Variants in LRMDA observed in about 807,000 individuals in gnomAD.
LRMDA encodes the protein leucine-rich melanocyte differentiation-associated protein.
LRMDA carries 18 observed loss-of-function variants against 29.8 expected under a neutral mutation model. That is an observed-to-expected ratio of 0.60 (90% CI 0.42 to 0.90). The LOEUF is 0.90. Among genes scored for constraint, LRMDA ranks in the 40% least tolerant of loss-of-function variants. The probability of loss-of-function intolerance (pLI) is 0.00; values close to 1 mark genes in which losing one functional copy is unlikely to be tolerated. For missense variants in LRMDA, 273 were observed against 273.9 expected (o/e 1.00, Z 0.02); for synonymous variants, 125 against 109.4 (o/e 1.14, Z -0.89).
At chr10:76,237,238 A>G (rs1378584143) in intron 5 of LRMDA, among the ~76,000 whole-genome samples, 1 of 152,214 alleles carries the variant, frequency 6.6e-6, no homozygotes, top group East Asian at 1.9e-4. Flanking sequence ...CATAAACATT[A>G]CTGAAAATAA....
intron 2 of LRMDA, among the ~76,000 whole-genome samples, chr10:75,915,872 G>C (rs986634884): frequency 1.3e-5 from 2 of 152,164 alleles, no homozygotes; most frequent in Non-Finnish European, 2.9e-5. Flanking sequence ...CATAAAATTG[G>C]CCACCGTTCC....
chr10:76,191,035 A>G (rs1016930671), intron 5 of LRMDA, among the ~76,000 whole-genome samples: 1 of 152,212 alleles, frequency 6.6e-6, no homozygotes, highest in African/African-American at 2.4e-5. Context: ...TTTACGGCTT[A>G]GGTTGCCCCA....
intron 6 of LRMDA, among the ~76,000 whole-genome samples, chr10:76,379,635 C>G (rs1369464203): frequency 3.3e-5 from 5 of 151,818 alleles, no homozygotes; most frequent in Admixed American, 3.3e-4. Flanking sequence ...AGCAGTTTAT[C>G]AATTTTGTTT....
intron 5 of LRMDA, among the ~76,000 whole-genome samples, chr10:76,321,936 T>C (rs891188805): frequency 2.0e-5 from 3 of 147,114 alleles, no homozygotes; most frequent in Admixed American, 6.6e-5. Context: ...GAGAGTGAGA[T>C]TCTGTCTCAA....
In LRMDA at chr10:75,887,353, C is replaced by T. The variant is rs145580439; in HGVS notation, c.132-148655C>T. On this transcript the variant is annotated intron_variant, in intron 2 of 6. Coordinates refer to ENST00000611255, the MANE Select transcript of LRMDA (RefSeq NM_001305581.2). ...AAAATAGGATACAAATATATTGGTA[C>T]ACGCACATTTTTAGAAATGTATCTA... Among the ~76,000 whole-genome samples, 1,018 of 152,038 alleles carry T rather than the reference C, an allele frequency of 6.7e-3. 14 individuals carry two copies. The highest frequency in any genetic ancestry group is 0.023 in the African/African-American group (967 of 41,476).
At chr10:75,506,708 C>T (rs1268394214) in intron 2 of LRMDA, among the ~76,000 whole-genome samples, 1 of 152,202 alleles carries the variant, frequency 6.6e-6, no homozygotes, top group African/African-American at 2.4e-5. Flanking sequence ...GTCCCTTGGC[C>T]GGTGCCCAGT....
At chr10:76,479,535 T>C (rs1345812746) in intron 6 of LRMDA, among the ~76,000 whole-genome samples, 1 of 151,850 alleles carries the variant, frequency 6.6e-6, no homozygotes. Context: ...CTAGGGAGCC[T>C]TTAATGTCCT....
intron 4 of LRMDA, among the ~76,000 whole-genome samples, chr10:76,048,324 G>A (rs956311915): frequency 6.6e-6 from 1 of 152,128 alleles, no homozygotes; most frequent in African/African-American, 2.4e-5. Context: ...GCAAGTTTTT[G>A]TAATTTTTTT....
intron 5 of LRMDA, among the ~76,000 whole-genome samples, chr10:76,261,147 C>T (rs1382396043): frequency 6.9e-6 from 1 of 145,872 alleles, no homozygotes; most frequent in African/African-American, 2.6e-5. Flanking sequence ...TAACTGCAAA[C>T]TCCACCTCCT....
intron 6 of LRMDA, among the ~76,000 whole-genome samples, chr10:76,480,590 A>G (rs1342390922): frequency 6.6e-6 from 1 of 152,004 alleles, no homozygotes; most frequent in Non-Finnish European, 1.5e-5. Context: ...GTTAAAGTGA[A>G]TTATTGGCTC....
chr10:75,575,609 T>G (rs1840493622), intron 2 of LRMDA, among the ~76,000 whole-genome samples: 1 of 152,214 alleles, frequency 6.6e-6, no homozygotes, highest in Non-Finnish European at 1.5e-5. Context: ...AGCTCCAGTC[T>G]GTAGCTCCCA....
chr10:76,433,994 C>T (rs956971296), intron 6 of LRMDA, among the ~76,000 whole-genome samples: 1 of 152,196 alleles, frequency 6.6e-6, no homozygotes, highest in African/African-American at 2.4e-5. Context: ...TAGGCTTCTT[C>T]TTATCCCACT....
chr10:75,559,004 G>A (rs1272052845), intron 2 of LRMDA, among the ~76,000 whole-genome samples: 2 of 150,698 alleles, frequency 1.3e-5, no homozygotes, highest in African/African-American at 4.9e-5. Flanking sequence ...GTGTGCATGT[G>A]TCTTTATAGC....
chr10:75,780,824 G>A (rs1012840736), intron 2 of LRMDA, among the ~76,000 whole-genome samples: 1 of 152,162 alleles, frequency 6.6e-6, no homozygotes, highest in African/African-American at 2.4e-5. Context: ...CCAGTTGCTA[G>A]CACTGTGTGG....
chr10:76,077,992 A>ATTTTTTTTT lies in LRMDA; in HGVS notation c.516+19237_516+19245dup, dbSNP rs756023731. Among the ~76,000 whole-genome samples the ATTTTTTTTT allele has an allele frequency of 2.3e-4, 11 of 48,080 alleles. 3 individuals are homozygous for ATTTTTTTTT. The highest frequency in any genetic ancestry group is 1.2e-3 in the East Asian group (2 of 1,628). 31.5% of individuals were successfully genotyped at this position (48,080 alleles called of 152,430 possible). A position where few individuals can be genotyped will look rare whatever the true frequency, so the allele number is the denominator to read the frequency against. Reference sequence around the variant, plus strand: ...TCCTACCCCTAACTGCAATATTAACATTTTTTTTTTTTTTTTTTTTTTTTT... The same window carrying ATTTTTTTTT: ...TCCTACCCCTAACTGCAATATTAACATTTTTTTTTTTTTTTTTTTTTTTTTTTTTTTTTT... On this transcript the variant is annotated intron_variant, in intron 5 of 6. Transcript: ENST00000611255.
chr10:76,055,782 T>A (rs4431971), intron 4 of LRMDA, among the ~76,000 whole-genome samples: 2 of 152,098 alleles, frequency 1.3e-5, no homozygotes, highest in Non-Finnish European at 2.9e-5. Flanking sequence ...CAGCTTCCAC[T>A]GCAGGCACTG....
chr10:76,484,423 G>A (rs1403575358), intron 6 of LRMDA, among the ~76,000 whole-genome samples: 1 of 151,812 alleles, frequency 6.6e-6, no homozygotes, highest in Admixed American at 6.6e-5. Flanking sequence ...TATAATATGA[G>A]TCTTTCATTC....
intron 2 of LRMDA, among the ~76,000 whole-genome samples, chr10:75,980,824 C>T (rs1223293574): frequency 1.3e-5 from 2 of 152,150 alleles, no homozygotes; most frequent in African/African-American, 4.8e-5. Flanking sequence ...CCCTTTTTAT[C>T]CTCTCTCTCA....
intron 2 of LRMDA, among the ~76,000 whole-genome samples, chr10:75,535,203 A>G (rs2132045496): frequency 6.6e-6 from 1 of 151,732 alleles, no homozygotes; most frequent in Admixed American, 6.6e-5. Flanking sequence ...TTTTTTCCAT[A>G]TCAGGATTGC....
Sources: allele counts gnomAD v4.1 joint callset (sites outside exome capture counted in the v4.1 genomes callset), GRCh38; gene constraint gnomAD v4.1.1; transcripts MANE v1.5; gene names NCBI Gene and HGNC (gene_info 2026-07-23, HGNC 2026-07-21).